The following PDE1C variants were observed in gnomAD, a reference collection of about 807,000 sequenced individuals.
The protein encoded by PDE1C is dual specificity calcium/calmodulin-dependent 3',5'-cyclic nucleotide phosphodiesterase 1C.
A neutral mutation model predicts 93.1 loss-of-function variants in PDE1C; 62 were observed. The ratio of observed to expected loss-of-function variants is 0.67; its 90% CI spans 0.54 to 0.82. PDE1C has a LOEUF of 0.82. Among genes scored for constraint, PDE1C ranks in the 40% least tolerant of loss-of-function variants. PDE1C has a pLI of 0.00. For synonymous variants in PDE1C, 325 were observed against 310.1 expected, an observed-to-expected ratio of 1.05 and a Z score of -0.50; for missense variants, 742 against 884.6, an observed-to-expected ratio of 0.84 and a Z score of 2.04.
intron 2 of PDE1C, among the ~76,000 whole-genome samples, chr7:32,206,130 C>G (rs75423288): frequency 0.34 from 51,724 of 151,870 alleles, 9,417 homozygotes; most frequent in Admixed American, 0.46. Flanking sequence ...AGAATTCAAA[C>G]CCCGGCTTGA....
At chr7:32,086,263 A>T in intron 3 of PDE1C, among the ~76,000 whole-genome samples, 1 of 150,684 alleles carries the variant, frequency 6.6e-6, no homozygotes, top group East Asian at 1.9e-4. Flanking sequence ...AATTGCTTCA[A>T]AGAGAATAAA....
the PDE1C span, among the ~76,000 whole-genome samples, chr7:31,732,232 A>G: frequency 6.6e-6 from 1 of 152,170 alleles, no homozygotes; most frequent in East Asian, 1.9e-4. Context: ...ATTATGGTAA[A>G]TAACTCATTT....
At chr7:31,921,855 A>G (rs944316128) in intron 2 of PDE1C, among the ~76,000 whole-genome samples, 6 of 152,232 alleles carry the variant, frequency 3.9e-5, no homozygotes, top group African/African-American at 1.4e-4. Flanking sequence ...AATAAAACAT[A>G]ATTATTTGCA....
chr7:32,056,659 G>C (rs1220514204), intron 1 of PDE1C, among the ~76,000 whole-genome samples: 1 of 152,062 alleles, frequency 6.6e-6, no homozygotes, highest in Non-Finnish European at 1.5e-5. Context: ...CATAGTGCTG[G>C]GCATCCTGGA....
intron 3 of PDE1C, among the ~76,000 whole-genome samples, chr7:32,156,583 A>G (rs1428653935): frequency 6.6e-6 from 1 of 152,132 alleles, no homozygotes; most frequent in Non-Finnish European, 1.5e-5. Flanking sequence ...TCTCACAAGC[A>G]ACTGCCTGGA....
At chr7:32,184,209 A>C (rs1461950321) in intron 2 of PDE1C, among the ~76,000 whole-genome samples, 1 of 152,212 alleles carries the variant, frequency 6.6e-6, no homozygotes, top group Non-Finnish European at 1.5e-5. Flanking sequence ...GGGACTGTAA[A>C]CTAGTTCAAC....
intron 3 of PDE1C, 111 bp downstream of exon 3, chr7:31,880,636 T>C: frequency 1.5e-6 from 1 of 655,848 alleles, no homozygotes; most frequent in East Asian, 2.7e-5. Context: ...AACTCAAAGA[T>C]GAGTAATTTG....
intron 1 of PDE1C, among the ~76,000 whole-genome samples, chr7:32,059,423 C>G (rs1323923651): frequency 6.6e-6 from 1 of 152,200 alleles, no homozygotes; most frequent in East Asian, 1.9e-4. Context: ...GAAGCCCCAC[C>G]TGGGGCTACA....
intron 2 of PDE1C, among the ~76,000 whole-genome samples, chr7:32,023,549 G>A (rs547094338): frequency 2.0e-4 from 30 of 151,734 alleles, no homozygotes; most frequent in African/African-American, 6.3e-4. Context: ...GGCATGAATC[G>A]TAAGACAAAA....
the PDE1C span, among the ~76,000 whole-genome samples, chr7:31,714,817 A>ACCTCCCACCAGGTCCCTC: frequency 6.6e-6 from 1 of 152,012 alleles, no homozygotes; most frequent in South Asian, 2.1e-4. Flanking sequence ...TGATTCAATT[A>ACCTCCCACCAGGTCCCTC]CCTCCCACCA....
chr7:32,178,770 T>A (rs1325683389), intron 2 of PDE1C, among the ~76,000 whole-genome samples: 2 of 152,118 alleles, frequency 1.3e-5, no homozygotes, highest in African/African-American at 4.8e-5. Flanking sequence ...CTGCCATAAA[T>A]CCTCTCCGTT....
At chr7:31,951,946 C>T (rs576591921) in intron 2 of PDE1C, among the ~76,000 whole-genome samples, 1 of 152,288 alleles carries the variant, frequency 6.6e-6, no homozygotes, top group South Asian at 2.1e-4. Context: ...AATTCCATAA[C>T]AAATTTAGAA....
At chr7:31,715,451 C>T in the PDE1C span, among the ~76,000 whole-genome samples, 5 of 152,186 alleles carry the variant, frequency 3.3e-5, no homozygotes, top group Admixed American at 3.3e-4. Flanking sequence ...ATTGGCCAGG[C>T]TGGTCTCAAA....
chr7:32,142,583 G>A (rs1053921221), intron 3 of PDE1C, among the ~76,000 whole-genome samples: 3 of 152,184 alleles, frequency 2.0e-5, no homozygotes, highest in Non-Finnish European at 2.9e-5. Flanking sequence ...CTGGCCAGTG[G>A]TGTGCAGGTG....
chr7:32,357,115 G>A lies in PDE1C; in HGVS notation c.310+70707C>T, dbSNP rs549336109. On this transcript the variant is annotated intron_variant, in intron 1 of 1. Coordinates refer to the PDE1C transcript ENST00000672256. ...TTGGGAGGCCAGGCGGGTGGATCAC[G>A]AGGTCAGGATATTGAGACCATCCTG... Among the ~76,000 whole-genome samples the A allele has an allele frequency of 8.5e-5, 13 of 152,206 alleles. No homozygotes were observed. In the East Asian group the frequency reaches 2.1e-3, roughly 25 times the overall value.
intron 3 of PDE1C, among the ~76,000 whole-genome samples, chr7:32,124,454 T>C (rs1019118323): frequency 1.3e-4 from 20 of 152,130 alleles, no homozygotes; most frequent in African/African-American, 4.6e-4. Context: ...CTTCAAACTA[T>C]ACTACAAGGC....
chr7:32,010,729 G>A (rs1786969204), intron 2 of PDE1C, among the ~76,000 whole-genome samples: 1 of 152,188 alleles, frequency 6.6e-6, no homozygotes, highest in East Asian at 1.9e-4. Flanking sequence ...AAGGAAGGAC[G>A]TGTTCCAGGC....
intron 1 of PDE1C, among the ~76,000 whole-genome samples, chr7:32,359,744 C>T (rs1318195561): frequency 6.6e-6 from 1 of 152,206 alleles, no homozygotes; most frequent in South Asian, 2.1e-4. Context: ...CTCTTCTACT[C>T]CATTCGGCTC....
intron 3 of PDE1C, among the ~76,000 whole-genome samples, chr7:32,078,317 T>G (rs1796469909): frequency 6.6e-6 from 1 of 152,186 alleles, no homozygotes; most frequent in African/African-American, 2.4e-5. Flanking sequence ...CCCAGCCCAG[T>G]GCTCCACTGT....
Sources: gnomAD v4.1 joint callset for allele counts (sites outside exome capture counted in the v4.1 genomes callset) on GRCh38, gnomAD v4.1.1 for gene constraint, MANE v1.5 for transcripts, NCBI Gene and HGNC (gene_info 2026-07-23, HGNC 2026-07-21) for gene names.